Variants in RASAL2 observed in about 807,000 individuals in gnomAD.
RASAL2 encodes ras GTPase-activating protein nGAP.
RASAL2 carries 58 observed loss-of-function variants against 128.9 expected under a neutral mutation model. The observed-to-expected ratio is 0.45, with a 90% CI of 0.36 to 0.56. The LOEUF (loss-of-function observed/expected upper bound fraction) is 0.56, where lower values mean the gene tolerates loss of function less well. RASAL2 is among the 20% of genes least tolerant of loss of function. The pLI, the probability that RASAL2 is intolerant of heterozygous loss-of-function variation, is 0.00. For missense variants in RASAL2, 1,360 were observed against 1,601.6 expected, an observed-to-expected ratio of 0.85 and a Z score of 2.57; for synonymous variants, 561 against 580.8, an observed-to-expected ratio of 0.97 and a Z score of 0.49.
At chr1:178,104,842 C>T (rs529479688) in intron 1 of RASAL2, among the ~76,000 whole-genome samples, 9 of 152,092 alleles carry the variant, frequency 5.9e-5, no homozygotes, top group African/African-American at 9.6e-5. Context: ...GAGGGAAGGG[C>T]GGGAGTATAG....
chr1:178,138,331 T>G (rs1660403810), intron 1 of RASAL2, among the ~76,000 whole-genome samples: 1 of 152,220 alleles, frequency 6.6e-6, no homozygotes, highest in Non-Finnish European at 1.5e-5. Flanking sequence ...TGATATCATA[T>G]ACTTTTGTAC....
intron 4 of RASAL2, among the ~76,000 whole-genome samples, chr1:178,401,795 G>T (rs894203103): frequency 1.3e-5 from 2 of 152,072 alleles, no homozygotes; most frequent in Non-Finnish European, 2.9e-5. Flanking sequence ...ACTGTTACTC[G>T]GAAACTTTTT....
intron 1 of RASAL2, among the ~76,000 whole-genome samples, chr1:178,231,627 TCA>T (rs2102023831): frequency 6.6e-6 from 1 of 152,268 alleles, no homozygotes; most frequent in East Asian, 1.9e-4. Flanking sequence ...ACAAAAATAC[TCA>T]CTCACAGTTT....
chr1:178,464,224 CAT>C (rs1647409576), intron 14 of RASAL2, 52 bp from the exon 15 acceptor site: 3 of 1,520,032 alleles, frequency 2.0e-6, no homozygotes, highest in Admixed American at 4.0e-5. Flanking sequence ...GTTTGTGAAA[CAT>C]AGCACACGGG....
In RASAL2 at chr1:178,471,767, G is replaced by T. The variant is rs1035273816; in HGVS notation, c.3679-1308G>T. ...GATTTTACCTAGATTTTTCCCCCAG[G>T]GCCGTGGTCTTCACTCTGCATGCTC... On this transcript the variant is annotated intron_variant, in intron 17 of 17. Coordinates refer to ENST00000367649, the MANE Select transcript of RASAL2 (RefSeq NM_170692.4). 1.8e-4 allele frequency among the ~76,000 whole-genome samples: 27 copies of T among 152,008 alleles called. 1 individual carries two copies. Among genetic ancestry groups the T allele is most frequent in the Admixed American group, 1.6e-3 (25 of 15,244 alleles).
intron 1 of RASAL2, among the ~76,000 whole-genome samples, chr1:178,224,419 T>G (rs543939709): frequency 1.2e-4 from 18 of 152,252 alleles, no homozygotes; most frequent in African/African-American, 4.1e-4. Context: ...CTTTCACTTC[T>G]GATACTTAGA....
intron 1 of RASAL2, among the ~76,000 whole-genome samples, chr1:178,112,591 T>C (rs1322021772): frequency 6.6e-6 from 1 of 151,938 alleles, no homozygotes; most frequent in Non-Finnish European, 1.5e-5. Context: ...GATGAGTTCA[T>C]GTCCTTTGTA....
chr1:178,165,421 A>G (rs908912456), intron 1 of RASAL2, among the ~76,000 whole-genome samples: 1 of 152,204 alleles, frequency 6.6e-6, no homozygotes, highest in African/African-American at 2.4e-5. Flanking sequence ...GTTAGATATT[A>G]TAAGTAATCC....
chr1:178,248,487 G>C (rs141556778), intron 1 of RASAL2, among the ~76,000 whole-genome samples: 1 of 152,056 alleles, frequency 6.6e-6, no homozygotes, highest in Admixed American at 6.6e-5. Flanking sequence ...GATGGGTCTT[G>C]ACCCTTTATC....
intron 1 of RASAL2, among the ~76,000 whole-genome samples, chr1:178,211,360 T>C (rs1479623028): frequency 1.3e-5 from 2 of 152,136 alleles, no homozygotes; most frequent in African/African-American, 4.8e-5. Context: ...CCATCTAATT[T>C]CCTGCTCGTT....
intron 4 of RASAL2, among the ~76,000 whole-genome samples, chr1:178,414,582 A>G (rs966684984): frequency 2.0e-5 from 3 of 152,104 alleles, no homozygotes; most frequent in Admixed American, 6.6e-5. Context: ...GGAAATCTTT[A>G]TATCTTCTAC....
intron 1 of RASAL2, among the ~76,000 whole-genome samples, chr1:178,171,812 AC>A (rs1430179052): frequency 1.3e-5 from 2 of 151,976 alleles, no homozygotes; most frequent in African/African-American, 4.8e-5. Flanking sequence ...ACCATGAGTA[AC>A]CATCTCTACA....
chr1:178,343,353 A>T (rs1020537422), intron 3 of RASAL2, among the ~76,000 whole-genome samples: 1 of 152,224 alleles, frequency 6.6e-6, no homozygotes, highest in Admixed American at 6.5e-5. Context: ...TGGAGAATCC[A>T]TTATTTAAGC....
At chr1:178,303,224 T>G (rs1449609974) in intron 3 of RASAL2, among the ~76,000 whole-genome samples, 1 of 151,988 alleles carries the variant, frequency 6.6e-6, no homozygotes, top group Non-Finnish European at 1.5e-5. Context: ...TGAGGAGGAA[T>G]TGACCTATAA....
intron 4 of RASAL2, among the ~76,000 whole-genome samples, chr1:178,397,274 A>G (rs564900459): frequency 6.4e-4 from 98 of 152,352 alleles, no homozygotes; most frequent in African/African-American, 2.1e-3. Flanking sequence ...TATCCATACA[A>G]TGGCTTATTA....
At chr1:178,110,074 C>T (rs985838079) in intron 1 of RASAL2, among the ~76,000 whole-genome samples, 1 of 152,120 alleles carries the variant, frequency 6.6e-6, no homozygotes, top group Non-Finnish European at 1.5e-5. Context: ...ACAAACTACA[C>T]ATCTTTAAAG....
chr1:178,203,303 T>C (rs1301019191), intron 1 of RASAL2, among the ~76,000 whole-genome samples: 1 of 152,248 alleles, frequency 6.6e-6, no homozygotes, highest in Non-Finnish European at 1.5e-5. Flanking sequence ...GGTCTTACCA[T>C]GTTCCTCATC....
chr1:178,257,977 TAAAAC>T (rs772256450), intron 1 of RASAL2, among the ~76,000 whole-genome samples: 2 of 151,798 alleles, frequency 1.3e-5, no homozygotes, highest in Admixed American at 1.3e-4. Flanking sequence ...CATCAATATT[TAAAAC>T]AAAACGATAC....
intron 12 of RASAL2, 178 bp from the exon 13 acceptor site, chr1:178,456,543 C>T (rs1412958337): frequency 2.4e-5 from 17 of 703,998 alleles, no homozygotes; most frequent in Admixed American, 6.1e-5. Flanking sequence ...TTCATCTCGA[C>T]GCCATGGTTC....
Sources: gnomAD v4.1 joint callset for allele counts (sites outside exome capture counted in the v4.1 genomes callset) on GRCh38, gnomAD v4.1.1 for gene constraint, MANE v1.5 for transcripts, NCBI Gene and HGNC (gene_info 2026-07-23, HGNC 2026-07-21) for gene names.